Variants in PHF24 observed in about 807,000 individuals in gnomAD.
PHF24 encodes the protein PHD finger protein 24.
Under a neutral mutation model 42.6 loss-of-function variants are expected in PHF24, and 25 were observed. That is an observed-to-expected ratio of 0.59 (90% CI 0.43 to 0.82). The LOEUF (loss-of-function observed/expected upper bound fraction) is 0.82, where lower values mean the gene tolerates loss of function less well. Ranked by LOEUF, PHF24 falls within the 40% of genes least tolerant of loss-of-function variation. PHF24 has a pLI of 0.00. For missense variants in PHF24, 470 were observed against 538.1 expected (o/e 0.87, Z 1.25); for synonymous variants, 185 against 204.8 (o/e 0.90, Z 0.83).
chr9:34,713,044 C>G, the PHF24 span, among the ~76,000 whole-genome samples: 1 of 152,138 alleles, frequency 6.6e-6, no homozygotes, highest in African/African-American at 2.4e-5. Flanking sequence ...TGTGGTATCT[C>G]TAGAAATTCA....
At chr9:34,745,751 A>C in the PHF24 span, among the ~76,000 whole-genome samples, 4 of 151,846 alleles carry the variant, frequency 2.6e-5, no homozygotes, top group South Asian at 8.3e-4. Context: ...GTACTTCTAT[A>C]GTTTAAAAAA....
At chr9:34,878,819 C>T in the PHF24 span, among the ~76,000 whole-genome samples, 1 of 152,232 alleles carries the variant, frequency 6.6e-6, no homozygotes, top group African/African-American at 2.4e-5. Flanking sequence ...GGAGCAGAAA[C>T]TTCTGCAGAC....
At chr9:34,722,001 G>C in the PHF24 span, among the ~76,000 whole-genome samples, 1 of 152,084 alleles carries the variant, frequency 6.6e-6, no homozygotes, top group African/African-American at 2.4e-5. Context: ...ACATAGAAGA[G>C]TCTCAGGGCC....
the PHF24 span, among the ~76,000 whole-genome samples, chr9:34,701,366 G>T: frequency 6.6e-6 from 1 of 152,302 alleles, no homozygotes; most frequent in Non-Finnish European, 1.5e-5. This position sits in a 1 kb window ranked among gnomAD's most constrained non-coding sequence, Gnocchi z 5.8. Context: ...CTGTGTCTGT[G>T]GGGCTCTGGG....
intron 1 of PHF24, among the ~76,000 whole-genome samples, chr9:34,961,474 A>G (rs7025995): frequency 0.4 from 60,104 of 152,042 alleles, 12,373 homozygotes; most frequent in East Asian, 0.61. Flanking sequence ...ACTAAGTGCT[A>G]CTTACTTGCC....
At chr9:34,720,398 T>C in the PHF24 span, among the ~76,000 whole-genome samples, 1 of 150,482 alleles carries the variant, frequency 6.6e-6, no homozygotes, top group Non-Finnish European at 1.5e-5. Context: ...TGAGCCGAGA[T>C]TGCGCCACTG....
At chr9:34,750,491 A>T in the PHF24 span, among the ~76,000 whole-genome samples, 1 of 142,156 alleles carries the variant, frequency 7.0e-6, no homozygotes, top group Non-Finnish European at 1.5e-5. Flanking sequence ...CTCTATCTCA[A>T]AAATAAATAA....
chr9:34,974,882 T>C (rs1827131615), intron 3 of PHF24, among the ~76,000 whole-genome samples: 1 of 152,154 alleles, frequency 6.6e-6, no homozygotes. Context: ...CAGTTACCAA[T>C]TCCAGTTCAA....
the PHF24 span, among the ~76,000 whole-genome samples, chr9:34,767,955 C>G: frequency 1.3e-5 from 2 of 152,198 alleles, no homozygotes; most frequent in African/African-American, 2.4e-5. Context: ...TCTACCGACA[C>G]TATGGAAGTC....
the PHF24 span, among the ~76,000 whole-genome samples, chr9:34,868,967 A>G: frequency 6.6e-6 from 1 of 152,092 alleles, no homozygotes; most frequent in African/African-American, 2.4e-5. Context: ...TCCATGTGTT[A>G]TCGTTCAGCT....
At chr9:34,727,703 A>T in the PHF24 span, among the ~76,000 whole-genome samples, 1 of 152,158 alleles carries the variant, frequency 6.6e-6, no homozygotes, top group Non-Finnish European at 1.5e-5. Context: ...TTTATTCAAA[A>T]CCCATTCTCT....
In PHF24 at chr9:34,976,621, C is replaced by A. The variant is rs543938968; in HGVS notation, c.730C>A (p.Gln244Lys). The A allele has an allele frequency of 1.5e-5, 24 of 1,614,150 alleles. No individual in the cohort carries two copies. Among genetic ancestry groups the A allele is most frequent in the Non-Finnish European group, 1.9e-5 (22 of 1,179,980 alleles). The change falls in exon 5 of 8, where the codon CAA (glutamine) becomes AAA (lysine). Residue 244 changes from glutamine to lysine, a missense_variant. Physicochemically the swap from Gln to Lys is moderately conservative, Grantham distance 53 (BLOSUM62 1). Transcript: ENST00000242315. ...CCGTGACAGGGCCCTGAGTGAGGAG[C>A]AAGAAGAGCAGGCGGCCCGCCAGTT... is the stretch of plus-strand genomic sequence containing the variant.
At chr9:34,827,341 C>A in the PHF24 span, among the ~76,000 whole-genome samples, 4 of 152,232 alleles carry the variant, frequency 2.6e-5, no homozygotes. Context: ...TTTAGAAAAA[C>A]ACCTGTTGAG....
exon 8 of PHF24, chr9:34,980,257 G>C (rs370842778): frequency 6.6e-6 from 1 of 152,368 alleles, no homozygotes; most frequent in Non-Finnish European, 1.5e-5. Flanking sequence ...CCACGGGTGA[G>C]TGAGGAGAGT....
the PHF24 span, among the ~76,000 whole-genome samples, chr9:34,825,559 G>A: frequency 2.6e-4 from 40 of 152,112 alleles, no homozygotes; most frequent in African/African-American, 8.7e-4. Flanking sequence ...ACTTGTCTTT[G>A]TGTCTGTGCA....
the PHF24 span, among the ~76,000 whole-genome samples, chr9:34,772,514 A>G: frequency 1.3e-5 from 2 of 152,366 alleles, no homozygotes; most frequent in South Asian, 4.1e-4. Context: ...CATACAAGAT[A>G]TATAAAAAAT....
chr9:34,849,966 G>T, the PHF24 span, among the ~76,000 whole-genome samples: 4 of 152,186 alleles, frequency 2.6e-5, no homozygotes, highest in African/African-American at 7.2e-5. Flanking sequence ...TCTGCTGAGA[G>T]ATCCGCTGTT....
rs1402582605 is a variant in PHF24 at position 34,959,066 on chromosome 9, A to G, written c.-5+665A>G. 3.3e-5 allele frequency among the ~76,000 whole-genome samples: 5 copies of G among 152,300 alleles called. No individual in the cohort carries two copies. The East Asian group carries it at 5.8e-4, about 18-fold the overall frequency. ...TTCCCCATTCGGATTTTTCTTCTCC[A>G]TGGTAGCCCAGTTGCTCCACGCTGC... On this transcript the variant is annotated intron_variant, in intron 1 of 7. Transcript: ENST00000242315.
the PHF24 span, among the ~76,000 whole-genome samples, chr9:34,839,042 C>G: frequency 2.6e-5 from 4 of 152,150 alleles, no homozygotes; most frequent in Non-Finnish European, 5.9e-5. Flanking sequence ...GGGATTATGG[C>G]TGATGTGGTA....
Sources: allele counts gnomAD v4.1 joint callset (sites outside exome capture counted in the v4.1 genomes callset), GRCh38; gene constraint gnomAD v4.1.1; non-coding constraint Gnocchi (gnomAD v3.1); transcripts MANE v1.5; gene names NCBI Gene and HGNC (gene_info 2026-07-23, HGNC 2026-07-21).